Variants in CHD1L observed in about 807,000 individuals in gnomAD.
CHD1L encodes ATP-dependent chromatin remodeler CHD1L.
In CHD1L, 118 loss-of-function variants were observed where a neutral mutation model predicts 115.9. That is an observed-to-expected ratio of 1.02 (90% confidence interval 0.88 to 1.19). The LOEUF (loss-of-function observed/expected upper bound fraction) is 1.19, where lower values mean the gene tolerates loss of function less well. CHD1L is among the 50% of genes most tolerant of loss of function. The pLI is 0.00. For synonymous variants in CHD1L, 411 were observed against 387.1 expected, an observed-to-expected ratio of 1.06 and a Z score of -0.72; for missense variants, 1,179 against 1,065.3, an observed-to-expected ratio of 1.11 and a Z score of -1.49.
At chr1:147,262,778 T>C (rs1224520532) in intron 6 of CHD1L, among the ~76,000 whole-genome samples, 4 of 151,964 alleles carry the variant, frequency 2.6e-5, no homozygotes, top group African/African-American at 9.7e-5. Flanking sequence ...GTGTTATTCA[T>C]TTATCATTTT....
chr1:147,178,143 G>A, the CHD1L span: 12 of 1,605,824 alleles, frequency 7.5e-6, no homozygotes, highest in Non-Finnish European at 1.0e-5. Context: ...CGCTGTTCCC[G>A]GGCGTGGCGC....
At chr1:147,213,303 C>T in the CHD1L span, 3 of 1,599,126 alleles carry the variant, frequency 1.9e-6, no homozygotes, top group African/African-American at 2.7e-5. Flanking sequence ...TGGTAAGCTG[C>T]TCACCAGGGA....
chr1:147,204,402 T>C, the CHD1L span: 7 of 1,122,042 alleles, frequency 6.2e-6, no homozygotes, highest in South Asian at 7.4e-5. Flanking sequence ...TGGCCAGAAA[T>C]ACTTCATTAC....
At chr1:147,274,710 CA>C (rs1677647732) in intron 12 of CHD1L, among the ~76,000 whole-genome samples, 1 of 152,136 alleles carries the variant, frequency 6.6e-6, no homozygotes, top group Non-Finnish European at 1.5e-5. Context: ...GAGCAAGCCT[CA>C]GAACACTCAG....
the CHD1L span, chr1:147,224,125 A>G: frequency 3.0e-6 from 1 of 335,242 alleles, no homozygotes; most frequent in Non-Finnish European, 5.9e-6. Flanking sequence ...TAAGATTGGG[A>G]TGTCTAGTCC....
At chr1:147,295,351 A>T in intron 22 of CHD1L, 80 bp from the exon 23 acceptor site, 2 of 903,506 alleles carry the variant, frequency 2.2e-6, no homozygotes, top group Non-Finnish European at 1.8e-6. Flanking sequence ...CAGTTATTTC[A>T]ATAATTACTA....
intron 3 of CHD1L, 71 bp downstream of exon 3, chr1:147,255,047 A>AAT (rs1200467005): frequency 1.8e-5 from 20 of 1,139,916 alleles, no homozygotes; most frequent in Non-Finnish European, 2.3e-5. Context: ...TGATGTATAA[A>AAT]ATATGATAAA....
chr1:147,247,839 A>T (rs1667100187), intron 1 of CHD1L, among the ~76,000 whole-genome samples: 1 of 152,078 alleles, frequency 6.6e-6, no homozygotes, highest in South Asian at 2.1e-4. Flanking sequence ...TCCAACTTCA[A>T]AGCCAGAAAC....
intron 19 of CHD1L, among the ~76,000 whole-genome samples, chr1:147,287,977 T>C (rs1396576191): frequency 6.7e-6 from 1 of 148,372 alleles, no homozygotes; most frequent in East Asian, 1.9e-4. Flanking sequence ...AGAACTGTAG[T>C]AAGCATAATA....
chr1:147,279,211 C>G (rs1441912190), intron 14 of CHD1L, among the ~76,000 whole-genome samples: 4 of 152,176 alleles, frequency 2.6e-5, no homozygotes, highest in African/African-American at 4.8e-5. Context: ...AATAGACGAT[C>G]TGGAGATAAC....
At chr1:147,179,541 A>G in the CHD1L span, 5 of 1,587,086 alleles carry the variant, frequency 3.2e-6, no homozygotes, top group South Asian at 1.1e-5. Flanking sequence ...AAGTGATTTT[A>G]TTAGCTATCT....
chr1:147,186,651 G>C, the CHD1L span: 1 of 1,288,356 alleles, frequency 7.8e-7, no homozygotes, highest in African/African-American at 1.5e-5. Context: ...ATGACTAAAA[G>C]AGTACCTGAG....
At chr1:147,217,782 T>A in the CHD1L span, among the ~76,000 whole-genome samples, 1 of 152,212 alleles carries the variant, frequency 6.6e-6, no homozygotes, top group Non-Finnish European at 1.5e-5. Context: ...ATTTTAGATG[T>A]TTTCCCATTT....
chr1:147,204,638 C>T, the CHD1L span: 2 of 1,587,162 alleles, frequency 1.3e-6, no homozygotes, highest in African/African-American at 2.7e-5. Flanking sequence ...TTTGTGCCAT[C>T]TCCAACTTCT....
chr1:147,280,626 G>A (rs782257421), intron 15 of CHD1L, among the ~76,000 whole-genome samples: 2 of 152,112 alleles, frequency 1.3e-5, no homozygotes, highest in Non-Finnish European at 1.5e-5. Flanking sequence ...TCAACAGTGC[G>A]GACTTTGTCA....
At chr1:147,238,038 C>G (rs984782158), upstream of CHD1L, among the ~76,000 whole-genome samples, 1 of 152,090 alleles carries the variant, frequency 6.6e-6, no homozygotes, top group African/African-American at 2.4e-5. Context: ...TTTTTCTATA[C>G]TTCTATACTG....
At chr1:147,210,923 G>A in the CHD1L span, 1 of 152,026 alleles carries the variant, frequency 6.6e-6, no homozygotes, top group Non-Finnish European at 1.5e-5. Context: ...CTTTACAAAA[G>A]CATCTACAAG....
Position 147,287,697 on chromosome 1 carries a change from C to T in CHD1L, c.2284C>T (p.Pro762Ser), listed in dbSNP as rs1683757358. ...AGCTCTGGAAAAGCGATCCGCTGAG[C>T]CAAGAAAAATATATGAGCTGGCTGG... ...FTALEKRSAE[P>S]RKIYELAGKM... The change falls in exon 19 of 23, where the codon CCA (proline) becomes TCA (serine). Residue 762 changes from proline (P) to serine (S), a missense_variant. By Grantham distance (74) the Pro-to-Ser change is moderately conservative. Coordinates refer to ENST00000369258, the MANE Select transcript of CHD1L (RefSeq NM_004284.6). 2 of 1,613,530 alleles carry T rather than the reference C, an allele frequency of 1.2e-6. No homozygotes were observed. The highest frequency in any genetic ancestry group is 1.7e-5 in the Admixed American group (1 of 59,966).
the CHD1L span, among the ~76,000 whole-genome samples, chr1:147,198,214 C>T: frequency 6.6e-6 from 1 of 152,134 alleles, no homozygotes; most frequent in African/African-American, 2.4e-5. Context: ...GTTTCTACAT[C>T]AGAATTTAGA....
Sources: allele counts gnomAD v4.1 joint callset (sites outside exome capture counted in the v4.1 genomes callset), GRCh38; gene constraint gnomAD v4.1.1; transcripts MANE v1.5; gene names NCBI Gene and HGNC (gene_info 2026-07-23, HGNC 2026-07-21).